TMEM132D: variants seen among roughly 807,000 people sequenced by gnomAD.
TMEM132D encodes the protein mature OL transmembrane protein.
TMEM132D carries 21 observed loss-of-function variants against 62.3 expected under a neutral mutation model. The observed-to-expected ratio is 0.34, with a 90% CI of 0.24 to 0.49. The LOEUF (loss-of-function observed/expected upper bound fraction) is 0.49. Among genes scored for constraint, TMEM132D ranks in the 20% least tolerant of loss-of-function variants. TMEM132D has a pLI of 0.99. For synonymous variants in TMEM132D, 621 were observed against 575.6 expected, an observed-to-expected ratio of 1.08 and a Z score of -1.13; for missense variants, 1,346 against 1,402.8, an observed-to-expected ratio of 0.96 and a Z score of 0.65.
At chr12:129,387,836 AC>A (rs1871156746) in intron 3 of TMEM132D, among the ~76,000 whole-genome samples, 1 of 132,076 alleles carries the variant, frequency 7.6e-6, no homozygotes, top group African/African-American at 2.9e-5. Context: ...AAACACTAAC[AC>A]CGACATCAAT....
At chr12:129,180,038 T>TA (rs57566666) in intron 5 of TMEM132D, among the ~76,000 whole-genome samples, 61 of 144,198 alleles carry the variant, frequency 4.2e-4, no homozygotes, top group South Asian at 4.4e-4. Flanking sequence ...AAAAAGAAAA[T>TA]AAAAAAAAAA....
chr12:129,108,066 A>G (rs1201082089), intron 5 of TMEM132D, among the ~76,000 whole-genome samples: 1 of 152,162 alleles, frequency 6.6e-6, no homozygotes, highest in African/African-American at 2.4e-5. Context: ...CTGACTTCTG[A>G]CCATGAAATG....
At chr12:129,736,013 C>T (rs1012959502) in intron 1 of TMEM132D, among the ~76,000 whole-genome samples, 14 of 152,206 alleles carry the variant, frequency 9.2e-5, no homozygotes, top group Admixed American at 2.6e-4. Context: ...GAACCTGGGC[C>T]ATGGATGTCA....
At chr12:129,424,221 A>G (rs1195836020) in intron 3 of TMEM132D, among the ~76,000 whole-genome samples, 1 of 151,280 alleles carries the variant, frequency 6.6e-6, no homozygotes, top group Non-Finnish European at 1.5e-5. Flanking sequence ...AAAAAAATCT[A>G]TGACAAATAT....
At chr12:129,216,672 C>A (rs115316957) in intron 4 of TMEM132D, among the ~76,000 whole-genome samples, 1 of 152,148 alleles carries the variant, frequency 6.6e-6, no homozygotes, top group African/African-American at 2.4e-5. Flanking sequence ...TTAGCCATCA[C>A]GTTGTGTTAC....
intron 2 of TMEM132D, among the ~76,000 whole-genome samples, chr12:129,646,713 T>G (rs964967022): frequency 8.5e-5 from 13 of 152,132 alleles, no homozygotes; most frequent in Non-Finnish European, 1.8e-4. Context: ...CGTGTATATA[T>G]ACAATATGTG....
intron 2 of TMEM132D, among the ~76,000 whole-genome samples, chr12:129,628,604 C>T (rs535983801): frequency 9.8e-5 from 15 of 152,324 alleles, no homozygotes; most frequent in Admixed American, 3.9e-4. Context: ...ACACAGCCCC[C>T]ACCTTTGCTG....
intron 1 of TMEM132D, among the ~76,000 whole-genome samples, chr12:129,894,220 G>A (rs1280839603): frequency 2.0e-5 from 3 of 152,248 alleles, no homozygotes; most frequent in South Asian, 2.1e-4. Context: ...TGGCAGGCAA[G>A]AGAGCGTGTG....
chr12:129,463,527 G>A (rs1873760258), intron 3 of TMEM132D, among the ~76,000 whole-genome samples: 1 of 151,412 alleles, frequency 6.6e-6, no homozygotes, highest in African/African-American at 2.4e-5. Context: ...ACAACATGCA[G>A]GTTTGTTACA....
intron 2 of TMEM132D, among the ~76,000 whole-genome samples, chr12:129,579,366 A>G (rs944221242): frequency 6.6e-6 from 1 of 152,138 alleles, no homozygotes; most frequent in Non-Finnish European, 1.5e-5. Context: ...GTATATATGG[A>G]AGGGAGTTTA....
At chr12:129,291,155 A>G (rs534862551) in intron 4 of TMEM132D, among the ~76,000 whole-genome samples, 7 of 152,280 alleles carry the variant, frequency 4.6e-5, no homozygotes, top group Admixed American at 3.9e-4. Flanking sequence ...CCATCAGTCA[A>G]TGGGGCACGG....
intron 3 of TMEM132D, among the ~76,000 whole-genome samples, chr12:129,455,486 T>G (rs1175355625): frequency 6.6e-6 from 1 of 152,200 alleles, no homozygotes; most frequent in Non-Finnish European, 1.5e-5. Flanking sequence ...GTATATAACG[T>G]GATTATAATG....
intron 2 of TMEM132D, among the ~76,000 whole-genome samples, chr12:129,540,611 G>A (rs1876558549): frequency 6.6e-6 from 1 of 151,994 alleles, no homozygotes; most frequent in Non-Finnish European, 1.5e-5. Flanking sequence ...TCAGTCTCCT[G>A]AGTAGCTGGG....
At chr12:129,268,562 T>C (rs553597493) in intron 4 of TMEM132D, among the ~76,000 whole-genome samples, 167 of 152,226 alleles carry the variant, frequency 1.1e-3, no homozygotes, top group African/African-American at 3.7e-3. Flanking sequence ...TGTGGAGAAA[T>C]AGGAACACTG....
intron 4 of TMEM132D, among the ~76,000 whole-genome samples, chr12:129,281,436 A>AAG (rs1881149656): frequency 6.6e-6 from 1 of 151,702 alleles, no homozygotes; most frequent in Non-Finnish European, 1.5e-5. Context: ...TTTAAAAAAA[A>AAG]AAAGAAAGAA....
At chr12:129,705,825 C>T (rs1203657545) in intron 1 of TMEM132D, among the ~76,000 whole-genome samples, 10 of 152,036 alleles carry the variant, frequency 6.6e-5, no homozygotes, top group African/African-American at 9.7e-5. Flanking sequence ...AGAATCCAAA[C>T]ACTATAAGTA....
chr12:129,182,940 G>A (rs781656390), intron 5 of TMEM132D, among the ~76,000 whole-genome samples: 3 of 152,200 alleles, frequency 2.0e-5, no homozygotes, highest in Admixed American at 6.5e-5. Flanking sequence ...TGCTCATGGG[G>A]TGGTGGTTAG....
chr12:129,208,551 T>A (rs760504150), intron 5 of TMEM132D: 1 of 152,256 alleles, frequency 6.6e-6, no homozygotes, highest in African/African-American at 2.4e-5. Flanking sequence ...GCGTTTTAAG[T>A]GAGCAAAAAT....
chr12:129,283,426 A>G (rs1209949354), intron 4 of TMEM132D, among the ~76,000 whole-genome samples: 2 of 152,148 alleles, frequency 1.3e-5, no homozygotes, highest in African/African-American at 4.8e-5. Context: ...GCCTGACCTC[A>G]GGTGATCCTC....
Sources: allele counts gnomAD v4.1 joint callset (sites outside exome capture counted in the v4.1 genomes callset), GRCh38; gene constraint gnomAD v4.1.1; transcripts MANE v1.5; gene names NCBI Gene and HGNC (gene_info 2026-07-23, HGNC 2026-07-21).